Variants in TECPR2 observed in about 807,000 individuals in gnomAD.
TECPR2 encodes tectonin beta-propeller repeat-containing protein 2.
TECPR2 carries 65 observed loss-of-function variants against 138.1 expected under a neutral mutation model. The ratio of observed to expected loss-of-function variants is 0.47; its 90% CI spans 0.39 to 0.58. The LOEUF is 0.58. Ranked by LOEUF, TECPR2 falls within the 20% of genes least tolerant of loss-of-function variation. The pLI is 0.00. For synonymous variants in TECPR2, 746 were observed against 749.8 expected (o/e 0.99, Z 0.08); for missense variants, 1,553 against 1,824.5 (o/e 0.85, Z 2.71).
chr14:102,441,116 A>C (rs937757365), intron 11 of TECPR2, among the ~76,000 whole-genome samples: 1 of 152,062 alleles, frequency 6.6e-6, no homozygotes, highest in African/African-American at 2.4e-5. Flanking sequence ...CCAGGCTGGC[A>C]TGCAGTGGTG....
chr14:102,434,284 C>T lies in TECPR2; in HGVS notation c.1467C>T (p.Cys489=). The change falls in exon 9 of 20, where the codon TGC becomes TGT. Residue 489 remains cysteine, a synonymous_variant. Transcript: ENST00000359520. ...TCHSSLESTP[C]SEFPGDSPQS... ...ACAGCTCCCTGGAATCGACACCCTGCTCCGAATTTCCTGGGGACAGTCCCC... is the reference window on the plus strand; with the variant it reads ...ACAGCTCCCTGGAATCGACACCCTGTTCCGAATTTCCTGGGGACAGTCCCC... The T allele has an allele frequency of 7.2e-7, 1 of 1,390,392 alleles. No individual in the cohort carries two copies. Among genetic ancestry groups the T allele is most frequent in the East Asian group, 2.5e-5 (1 of 40,228 alleles). 86.1% of individuals were successfully genotyped at this position (1,390,392 alleles called of 1,614,324 possible).
At position 102,434,527 on chromosome 14, in the gene TECPR2, G is replaced by A; in HGVS notation, c.1710G>A (p.Met570Ile). The change falls in exon 9 of 20, where the codon ATG becomes ATA. Residue 570 changes from methionine (M) to isoleucine (I), a missense_variant. Transcript: ENST00000359520. ...AGGAAGATGACATTAGAACTGAAATGCCACACTGTCACCATGCACATGGGC... is the reference window on the plus strand; with the variant it reads ...AGGAAGATGACATTAGAACTGAAATACCACACTGTCACCATGCACATGGGC... Reference protein sequence around the residue: ...LAEEDDIRTEMPHCHHAHGRE... With the variant: ...LAEEDDIRTEIPHCHHAHGRE... The A allele has an allele frequency of 2.6e-6, 4 of 1,557,838 alleles. No homozygotes were observed. The highest frequency in any genetic ancestry group is 3.5e-6 in the Non-Finnish European group (4 of 1,150,758).
At chr14:102,421,016 AT>A (rs1567333239) in intron 5 of TECPR2, among the ~76,000 whole-genome samples, 1 of 152,084 alleles carries the variant, frequency 6.6e-6, no homozygotes, top group African/African-American at 2.4e-5. Flanking sequence ...CATCTTATTT[AT>A]TTTTTATTTT....
intron 16 of TECPR2, among the ~76,000 whole-genome samples, chr14:102,461,924 C>G (rs1890420565): frequency 6.6e-6 from 1 of 152,222 alleles, no homozygotes; most frequent in Non-Finnish European, 1.5e-5. Context: ...CTCATTCATC[C>G]AGGCGGCCTG....
intron 2 of TECPR2, among the ~76,000 whole-genome samples, chr14:102,406,993 G>A (rs1888675837): frequency 6.6e-6 from 1 of 152,168 alleles, no homozygotes. Flanking sequence ...CCAAATAGCT[G>A]GGATTACAGG....
chr14:102,452,676 C>G, intron 16 of TECPR2, 49 bp downstream of exon 16: 1 of 1,457,686 alleles, frequency 6.9e-7, no homozygotes, highest in Non-Finnish European at 9.4e-7. Flanking sequence ...CTGCCCTAAA[C>G]CGGCATCACA....
In TECPR2 at chr14:102,425,256, G is replaced by A. The variant is rs767842978; in HGVS notation, c.916G>A (p.Glu306Lys). 5 of 1,611,032 alleles carry A rather than the reference G, an allele frequency of 3.1e-6. No individual in the cohort carries two copies. The highest frequency in any genetic ancestry group is 3.3e-5 in the Admixed American group (2 of 59,786). ...FQEGWVLSWNEYSIYLLDTVN... is the reference protein window; with the variant it reads ...FQEGWVLSWNKYSIYLLDTVN... ...AGAAGGCTGGGTGCTGAGTTGGAAT[G>A]AATATAGTATCTATCTCCTAGACAC... The change falls in exon 6 of 20, where the codon GAA becomes AAA. Residue 306 changes from glutamate to lysine, a missense_variant. Glu to Lys is a moderately conservative substitution (Grantham distance 56). Coordinates refer to ENST00000359520, the MANE Select transcript of TECPR2 (RefSeq NM_014844.5).
chr14:102,411,343 C>G (rs913933294), intron 4 of TECPR2, among the ~76,000 whole-genome samples: 3 of 152,344 alleles, frequency 2.0e-5, no homozygotes, highest in African/African-American at 7.2e-5. Context: ...CTTCCACGTA[C>G]GTATACGCCC....
At chr14:102,397,597 A>G (rs1888348280) in intron 2 of TECPR2, among the ~76,000 whole-genome samples, 1 of 151,494 alleles carries the variant, frequency 6.6e-6, no homozygotes, top group East Asian at 1.9e-4. Context: ...AAATACAAAA[A>G]CTAGCTGGGT....
In TECPR2 at chr14:102,465,226, G is replaced by C; in HGVS notation, c.3726G>C (p.Gly1242=). The C allele has an allele frequency of 1.2e-6, 2 of 1,614,212 alleles. No homozygotes were observed. Among genetic ancestry groups the C allele is most frequent in the Non-Finnish European group, 1.7e-6 (2 of 1,180,036 alleles). The part of the protein sequence containing the change: ...DSRGGVYFRV[G]TQPLNPSLML... ...GGGGTGGAGTTTACTTCCGTGTAGG[G>C]ACTCAGCCTCTCAATCCCAGTCTCA... The change falls in exon 17 of 20, where the codon GGG becomes GGC. Residue 1242 remains glycine, a synonymous_variant. Transcript: ENST00000359520.
chr14:102,375,437 G>C (rs1310201802), intron 1 of TECPR2, among the ~76,000 whole-genome samples: 1 of 152,102 alleles, frequency 6.6e-6, no homozygotes, highest in Non-Finnish European at 1.5e-5. Flanking sequence ...AATCAAGTAC[G>C]GCCTCATGAA....
At chr14:102,401,881 T>A (rs1393691899) in intron 2 of TECPR2, among the ~76,000 whole-genome samples, 2 of 150,930 alleles carry the variant, frequency 1.3e-5, no homozygotes, top group Non-Finnish European at 2.9e-5. Flanking sequence ...AAAAAGATAT[T>A]CCATGCAAAT....
intron 2 of TECPR2, among the ~76,000 whole-genome samples, chr14:102,405,166 A>G (rs1388839264): frequency 6.6e-6 from 1 of 151,982 alleles, no homozygotes; most frequent in Non-Finnish European, 1.5e-5. Context: ...AAAATTAGCC[A>G]GGTGTGGTGA....
intron 2 of TECPR2, among the ~76,000 whole-genome samples, chr14:102,391,600 G>C (rs1352761942): frequency 6.6e-6 from 1 of 152,058 alleles, no homozygotes; most frequent in Non-Finnish European, 1.5e-5. Flanking sequence ...TATAGTCATG[G>C]ATATATAATC....
intron 8 of TECPR2, among the ~76,000 whole-genome samples, chr14:102,433,557 G>T (rs1889570503): frequency 6.6e-6 from 1 of 151,392 alleles, no homozygotes; most frequent in South Asian, 2.1e-4. Context: ...TTTCACTGTT[G>T]TCACCCAGGC....
chr14:102,377,279 C>T (rs57001872), intron 2 of TECPR2, among the ~76,000 whole-genome samples: 3 of 152,172 alleles, frequency 2.0e-5, no homozygotes, highest in African/African-American at 7.2e-5. Flanking sequence ...CTTCAACTTC[C>T]TGAGTAGCTA....
chr14:102,416,467 C>T (rs1389246100), intron 5 of TECPR2, among the ~76,000 whole-genome samples: 1 of 152,180 alleles, frequency 6.6e-6, no homozygotes, highest in Non-Finnish European at 1.5e-5. Flanking sequence ...CTTTTTATAT[C>T]TGCAGTCTCC....
At chr14:102,481,230 C>T (rs1421966821) in intron 17 of TECPR2, among the ~76,000 whole-genome samples, 1 of 151,736 alleles carries the variant, frequency 6.6e-6, no homozygotes, top group Non-Finnish European at 1.5e-5. Context: ...TCTCAAACTC[C>T]TGATCTCAGG....
chr14:102,478,389 A>C (rs1227948847), intron 17 of TECPR2, among the ~76,000 whole-genome samples: 1 of 151,960 alleles, frequency 6.6e-6, no homozygotes, highest in Non-Finnish European at 1.5e-5. Flanking sequence ...ACAAAAAAAA[A>C]ATTTAAATGG....
Sources: gnomAD v4.1 joint callset for allele counts (sites outside exome capture counted in the v4.1 genomes callset) on GRCh38, gnomAD v4.1.1 for gene constraint, MANE v1.5 for transcripts, NCBI Gene and HGNC (gene_info 2026-07-23, HGNC 2026-07-21) for gene names.